The following SERPINB6 variants were observed in gnomAD, a reference collection of about 807,000 sequenced individuals.
SERPINB6 encodes the protein serpin family B member 6.
A neutral mutation model predicts 26.1 loss-of-function variants in SERPINB6; 16 were observed. The observed-to-expected ratio is 0.61, with a 90% CI of 0.42 to 0.93. The LOEUF is 0.93. Among genes scored for constraint, SERPINB6 ranks in the 40% least tolerant of loss-of-function variants. The pLI, the probability that SERPINB6 is intolerant of heterozygous loss-of-function variation, is 0.00. For synonymous variants in SERPINB6, 174 were observed against 176.6 expected, an observed-to-expected ratio of 0.99 and a Z score of 0.11; for missense variants, 420 against 478.0, an observed-to-expected ratio of 0.88 and a Z score of 1.13.
chr6:2,959,041 TA>T, intron 2 of SERPINB6, 126 bp downstream of exon 2: 1 of 1,287,226 alleles, frequency 7.8e-7, no homozygotes, highest in Non-Finnish European at 1.1e-6. Flanking sequence ...CCCTTCCCTG[TA>T]AACTCGCCAC....
At position 2,954,677 on chromosome 6, in the gene SERPINB6, T is replaced by C. The variant is rs960355442; in HGVS notation, c.345A>G (p.Gln115=). 6.2e-7 allele frequency: 1 copy of C among 1,614,052 alleles called. No individual in the cohort carries two copies. ...TAAAGTCAAGCTCCTCCATCTCTGC[T>C]TGGTAGAATTTTTGGCAGGAATCTC... ...SFRDSCQKFY[Q]AEMEELDFIS... Residue 115 remains glutamine (Q), a synonymous_variant, in exon 4 of 7, where the codon CAA becomes CAG. Coordinates refer to ENST00000380539, the MANE Select transcript of SERPINB6 (RefSeq NM_004568.6).
chr6:2,954,229 C>A (rs1238421825), intron 4 of SERPINB6, among the ~76,000 whole-genome samples: 1 of 135,710 alleles, frequency 7.4e-6, no homozygotes, highest in Non-Finnish European at 1.6e-5. Flanking sequence ...AAGAGGGAGG[C>A]AGCTTGAGAT....
rs566808213 is a variant in SERPINB6, at chr6:2,966,852, G to A, written c.-11+4681C>T. ...TTATTTTTTGTAGAGACAGGGTCTCGCTCGGTGGCCGAGGCTGGTCCCAAA... is the reference window on the plus strand; with the variant it reads ...TTATTTTTTGTAGAGACAGGGTCTCACTCGGTGGCCGAGGCTGGTCCCAAA... On this transcript the variant is annotated intron_variant, in intron 1 of 6. Transcript: ENST00000380539. The A allele has an allele frequency of 3.8e-5, 26 of 678,382 alleles. No individual in the cohort carries two copies. In the South Asian group the frequency reaches 1.1e-3, roughly 29 times the overall value. 42.0% of individuals were successfully genotyped at this position (678,382 alleles called of 1,614,324 possible).
chr6:2,949,017 GTCT>G lies in SERPINB6; in HGVS notation c.623_625del (p.Lys208del). On this transcript the variant is annotated inframe_deletion, in exon 6 of 7. Coordinates refer to ENST00000380539, the MANE Select transcript of SERPINB6 (RefSeq NM_004568.6). The stretch of plus-strand genomic sequence containing the variant: ...TTGGGTAAATATTTCTCCTATATAG[GTCT>G]TCTTAAAAGTAGATTGCTTAAACAT... 2 of 1,614,142 alleles carry G rather than the reference GTCT, an allele frequency of 1.2e-6. No homozygotes were observed. The highest frequency in any genetic ancestry group is 2.7e-5 in the African/African-American group (2 of 75,038).
At chr6:2,969,272 C>G in intron 1 of SERPINB6, 1 of 985,534 alleles carries the variant, frequency 1.0e-6, no homozygotes, top group Non-Finnish European at 1.2e-6. Context: ...ACGTTGCAAA[C>G]TCAAGACCTG....
intron 1 of SERPINB6, chr6:2,966,473 G>A: frequency 5.4e-6 from 5 of 934,052 alleles, no homozygotes; most frequent in Non-Finnish European, 6.4e-6. Context: ...GAGGTGAGCA[G>A]CAGGTGAGCG....
Position 2,948,266 on chromosome 6 carries a change from G to A in SERPINB6, c.*32C>T. On this transcript the variant is annotated 3_prime_UTR_variant, in exon 7 of 7. Coordinates refer to ENST00000380539, the MANE Select transcript of SERPINB6 (RefSeq NM_004568.6). The surrounding 1 kb of genome is among the most constrained non-coding windows in gnomAD (Gnocchi z 5.0). ...CTGTGGAGTGTCAGGGGACAGAGAG[G>A]AGAGGGGCTGCACACCAAGACTGCC... 6.2e-7 allele frequency: 1 copy of A among 1,612,180 alleles called. No individual in the cohort carries two copies. The highest frequency in any genetic ancestry group is 8.5e-7 in the Non-Finnish European group (1 of 1,179,692).
In SERPINB6 at chr6:2,968,973, C is replaced by T. The variant is rs989748415; in HGVS notation, c.-11+2560G>A. 3.3e-5 allele frequency: 40 copies of T among 1,219,950 alleles called. 1 individual carries two copies. The African/African-American group carries it at 5.8e-4, about 18-fold the overall frequency. The allele number at this position is 1,219,950 out of a possible 1,614,324, so 75.6% of individuals were successfully genotyped here. ...GGGGGGCTTCTACTGGATCTGTAATCCCCTCACGTCCCCACTGCCTCCCCC... is the reference window on the plus strand; with the variant it reads ...GGGGGGCTTCTACTGGATCTGTAATTCCCTCACGTCCCCACTGCCTCCCCC... On this transcript the variant is annotated intron_variant, in intron 1 of 6. Coordinates refer to ENST00000380539, the MANE Select transcript of SERPINB6 (RefSeq NM_004568.6).
At chr6:2,959,025 G>A (rs1770801729) in intron 2 of SERPINB6, 143 bp downstream of exon 2, 1 of 1,091,616 alleles carries the variant, frequency 9.2e-7, no homozygotes, top group Admixed American at 2.0e-5. Flanking sequence ...CAGCATGGGT[G>A]GCATGCCCTT....
Position 2,948,548 on chromosome 6 carries a change from G to C in SERPINB6, c.881C>G (p.Ala294Gly). The C allele has an allele frequency of 6.2e-7, 1 of 1,614,164 alleles. No homozygotes were observed. Among genetic ancestry groups the C allele is most frequent in the Non-Finnish European group, 8.5e-7 (1 of 1,180,026 alleles). ...GAAGTCTGCCTTGCCCAGCTCGAAG[G>C]CATCAGTCATGCCCAGGTTGCGCAG... is the stretch of plus-strand genomic sequence containing the variant. ...SVLRNLGMTD[A>G]FELGKADFSG... The change falls in exon 7 of 7, where the codon GCC (alanine) becomes GGC (glycine). Residue 294 changes from alanine to glycine, a missense_variant. Physicochemically the swap from Ala to Gly is moderately conservative, Grantham distance 60. Coordinates refer to ENST00000380539, the MANE Select transcript of SERPINB6 (RefSeq NM_004568.6). This position sits in a 1 kb window ranked among gnomAD's most constrained non-coding sequence, Gnocchi z 5.0.
intron 1 of SERPINB6, chr6:2,969,287 T>C (rs1334758791): frequency 1.0e-6 from 1 of 985,430 alleles, no homozygotes; most frequent in African/African-American, 1.7e-5. Context: ...GACCTGTCAA[T>C]GGCTTTTTAA....
intron 1 of SERPINB6, chr6:2,970,691 T>C: frequency 8.3e-7 from 1 of 1,210,748 alleles, no homozygotes; most frequent in Non-Finnish European, 1.0e-6. Context: ...ATTAATTTTC[T>C]GTACCTCAGT....
In SERPINB6 at chr6:2,948,484, G is replaced by C. The variant is rs1769366498; in HGVS notation, c.945C>G (p.Val315=). 4.3e-6 allele frequency: 7 copies of C among 1,614,124 alleles called. No individual in the cohort carries two copies. Among genetic ancestry groups the C allele is most frequent in the South Asian group, 1.1e-5 (1 of 91,086 alleles). The part of the protein sequence containing the change: ...MSQTDLSLSK[V]VHKSFVEVNE... ...TGACCTCCACAAAAGACTTGTGCAC[G>C]ACCTTGGACAGAGACAGGTCTGTCT... Residue 315 remains valine (V), a synonymous_variant, in exon 7 of 7, where the codon GTC becomes GTG. Coordinates refer to ENST00000380539, the MANE Select transcript of SERPINB6 (RefSeq NM_004568.6). The surrounding 1 kb of genome is among the most constrained non-coding windows in gnomAD (Gnocchi z 5.0).
At chr6:2,966,739 C>A in intron 1 of SERPINB6, 1 of 181,316 alleles carries the variant, frequency 5.5e-6, no homozygotes. Flanking sequence ...TGCTTTAAAG[C>A]AACAGCAAAG....
intron 2 of SERPINB6, among the ~76,000 whole-genome samples, chr6:2,958,464 G>C (rs1770732718): frequency 6.6e-6 from 1 of 152,158 alleles, no homozygotes; most frequent in Non-Finnish European, 1.5e-5. Flanking sequence ...GGGACGTGAT[G>C]GGTACTTGTT....
chr6:2,970,686 T>C (rs1457188818), intron 1 of SERPINB6: 1 of 1,227,186 alleles, frequency 8.1e-7, no homozygotes, highest in East Asian at 3.2e-5. Flanking sequence ...TAATTATTAA[T>C]TTTCTGTACC....
chr6:2,970,001 G>C, intron 1 of SERPINB6: 1 of 887,998 alleles, frequency 1.1e-6, no homozygotes, highest in Non-Finnish European at 1.3e-6. Flanking sequence ...CAGGTATGGA[G>C]CCCGGGAGGT....
At chr6:2,953,629 G>C (rs1178200117) in intron 4 of SERPINB6, among the ~76,000 whole-genome samples, 2 of 152,086 alleles carry the variant, frequency 1.3e-5, no homozygotes, top group African/African-American at 2.4e-5. Flanking sequence ...CCAGGAGTTT[G>C]AGACCAACCT....
chr6:2,969,251 G>GT, intron 1 of SERPINB6: 2 of 985,630 alleles, frequency 2.0e-6, no homozygotes, highest in East Asian at 2.3e-4. Context: ...AAGGATGCCT[G>GT]TTTCACAGTC....
Sources: gnomAD v4.1 joint callset for allele counts (sites outside exome capture counted in the v4.1 genomes callset) on GRCh38, gnomAD v4.1.1 for gene constraint, Gnocchi (gnomAD v3.1) non-coding constraint, MANE v1.5 for transcripts, NCBI Gene and HGNC (gene_info 2026-07-23, HGNC 2026-07-21) for gene names.